Variants in RCAN2 observed in about 807,000 individuals in gnomAD.
RCAN2 encodes calcipressin-2.
RCAN2 carries 9 observed loss-of-function variants against 23.6 expected under a neutral mutation model. The ratio of observed to expected loss-of-function variants is 0.38; its 90% CI spans 0.23 to 0.67. The LOEUF is 0.67. Among genes scored for constraint, RCAN2 ranks in the 30% least tolerant of loss-of-function variants. The pLI, the probability that RCAN2 is intolerant of heterozygous loss-of-function variation, is 0.51. For synonymous variants in RCAN2, 109 were observed against 115.7 expected (o/e 0.94, Z 0.37); for missense variants, 273 against 302.3 (o/e 0.90, Z 0.72).
intron 2 of RCAN2, among the ~76,000 whole-genome samples, chr6:46,387,084 C>T (rs1251754481): frequency 6.6e-6 from 1 of 152,046 alleles, no homozygotes; most frequent in Non-Finnish European, 1.5e-5. Flanking sequence ...TTCCTTACAC[C>T]TTATACAAAA....
At chr6:46,348,579 G>C (rs1050944175) in intron 2 of RCAN2, among the ~76,000 whole-genome samples, 2 of 152,104 alleles carry the variant, frequency 1.3e-5, no homozygotes, top group African/African-American at 4.8e-5. Context: ...TGGGAATCAG[G>C]GTTCAGGCTC....
intron 2 of RCAN2, among the ~76,000 whole-genome samples, chr6:46,441,407 G>A (rs1013565547): frequency 3.3e-5 from 5 of 152,180 alleles, no homozygotes; most frequent in Non-Finnish European, 7.3e-5. Context: ...GAATGAGGAG[G>A]TTGCTCTTCC....
At chr6:46,350,084 CT>C (rs1473814554) in intron 2 of RCAN2, among the ~76,000 whole-genome samples, 1 of 152,070 alleles carries the variant, frequency 6.6e-6, no homozygotes, top group Non-Finnish European at 1.5e-5. Context: ...TATTTGTTTA[CT>C]TTTTTAATTG....
chr6:46,393,977 C>G (rs1384027945), intron 2 of RCAN2, among the ~76,000 whole-genome samples: 2 of 152,112 alleles, frequency 1.3e-5, no homozygotes, highest in Non-Finnish European at 2.9e-5. Flanking sequence ...AGATTGTGTC[C>G]AAATGCTGTG....
At chr6:46,402,596 A>T (rs888717724) in intron 2 of RCAN2, among the ~76,000 whole-genome samples, 1 of 152,112 alleles carries the variant, frequency 6.6e-6, no homozygotes, top group African/African-American at 2.4e-5. Flanking sequence ...TAAGACCCCC[A>T]TTGCAGAGAG....
At chr6:46,322,308 T>G (rs1336018593) in intron 2 of RCAN2, among the ~76,000 whole-genome samples, 6 of 152,228 alleles carry the variant, frequency 3.9e-5, no homozygotes, top group Admixed American at 3.9e-4. Flanking sequence ...TAGATCTTTC[T>G]GAGAACTCTC....
intron 2 of RCAN2, among the ~76,000 whole-genome samples, chr6:46,300,190 A>G (rs1258354077): frequency 6.6e-6 from 1 of 151,950 alleles, no homozygotes; most frequent in African/African-American, 2.4e-5. Context: ...GATGGAAAAT[A>G]TAGACTTTAA....
chr6:46,464,814 C>T (rs1166951236), intron 1 of RCAN2, among the ~76,000 whole-genome samples: 1 of 152,038 alleles, frequency 6.6e-6, no homozygotes, highest in Non-Finnish European at 1.5e-5. Context: ...CTTCAGGACA[C>T]CTTCTGGAGC....
intron 1 of RCAN2, among the ~76,000 whole-genome samples, chr6:46,464,239 T>C (rs1308354322): frequency 6.6e-6 from 1 of 152,190 alleles, no homozygotes; most frequent in Non-Finnish European, 1.5e-5. Flanking sequence ...TTCAGAATTT[T>C]AAAGAATATG....
At chr6:46,313,138 T>C (rs1763318860) in intron 2 of RCAN2, among the ~76,000 whole-genome samples, 1 of 152,200 alleles carries the variant, frequency 6.6e-6, no homozygotes, top group South Asian at 2.1e-4. Flanking sequence ...CCTGGCAAAT[T>C]CCTACTTAAC....
At position 46,479,466 on chromosome 6, in the gene RCAN2, G is replaced by A. The variant is rs369004104; in HGVS notation, c.-3+11707C>T. Among the ~76,000 whole-genome samples, 7 of 151,506 alleles carry A rather than the reference G, an allele frequency of 4.6e-5. No homozygotes were observed. In the South Asian group the frequency reaches 8.4e-4, roughly 18 times the overall value. ...ATTTACTTAATATTCAGATGATGAT[G>A]TTTTCCTAAAAGTAACCCTCCATTT... On this transcript the variant is annotated intron_variant, in intron 1 of 4. Transcript: ENST00000371374.
intron 2 of RCAN2, among the ~76,000 whole-genome samples, chr6:46,423,823 T>C (rs1330792388): frequency 1.3e-5 from 2 of 152,194 alleles, no homozygotes; most frequent in Non-Finnish European, 2.9e-5. Context: ...CTACATTGAG[T>C]ATACCACATA....
chr6:46,223,887 C>T (rs1005880518), intron 4 of RCAN2, among the ~76,000 whole-genome samples: 1 of 152,310 alleles, frequency 6.6e-6, no homozygotes, highest in East Asian at 1.9e-4. Context: ...GCTCATATTA[C>T]AGTCAAATGG....
At chr6:46,405,993 G>A (rs1032848559) in intron 2 of RCAN2, among the ~76,000 whole-genome samples, 3 of 152,226 alleles carry the variant, frequency 2.0e-5, no homozygotes, top group African/African-American at 4.8e-5. Context: ...TACACCCTCC[G>A]CAGCCACTGG....
intron 2 of RCAN2, among the ~76,000 whole-genome samples, chr6:46,417,209 A>G (rs1021184726): frequency 6.6e-6 from 1 of 152,184 alleles, no homozygotes; most frequent in Non-Finnish European, 1.5e-5. Context: ...ACAGCTTTTC[A>G]GAAAGGTACC....
chr6:46,439,010 AAT>A (rs1337081507), intron 2 of RCAN2, among the ~76,000 whole-genome samples: 4 of 152,216 alleles, frequency 2.6e-5, no homozygotes, highest in Admixed American at 2.0e-4. Context: ...TATATCTTAG[AAT>A]ATAATATCTT....
chr6:46,352,388 T>C (rs943238435), intron 2 of RCAN2, among the ~76,000 whole-genome samples: 1 of 152,132 alleles, frequency 6.6e-6, no homozygotes, highest in Admixed American at 6.5e-5. Context: ...AATGGTCCAT[T>C]TCCCTCCATC....
intron 2 of RCAN2, among the ~76,000 whole-genome samples, chr6:46,352,026 A>G (rs1346821482): frequency 6.6e-6 from 1 of 152,224 alleles, no homozygotes; most frequent in Non-Finnish European, 1.5e-5. Flanking sequence ...CTGTCTAAGA[A>G]TATAGTTTGA....
chr6:46,317,575 C>A (rs1172773763), intron 2 of RCAN2, among the ~76,000 whole-genome samples: 1 of 152,178 alleles, frequency 6.6e-6, no homozygotes. Flanking sequence ...CATTCTCCTG[C>A]CTCATCCTCC....
Sources: gnomAD v4.1 joint callset for allele counts (sites outside exome capture counted in the v4.1 genomes callset) on GRCh38, gnomAD v4.1.1 for gene constraint, MANE v1.5 for transcripts, NCBI Gene and HGNC (gene_info 2026-07-23, HGNC 2026-07-21) for gene names.